Variants in EGLN3 observed in about 807,000 individuals in gnomAD.
EGLN3 encodes prolyl hydroxylase EGLN3.
A neutral mutation model predicts 26.0 loss-of-function variants in EGLN3; 15 were observed. The ratio of observed to expected loss-of-function variants is 0.58; its 90% CI spans 0.39 to 0.89. The LOEUF (loss-of-function observed/expected upper bound fraction) is 0.89. EGLN3 is among the 40% of genes least tolerant of loss of function. EGLN3 has a pLI of 0.00. For missense variants in EGLN3, 238 were observed against 311.6 expected (o/e 0.76, Z 1.78); for synonymous variants, 147 against 127.2 (o/e 1.16, Z -1.05).
chr14:33,946,756 T>G (rs1468372800), intron 1 of EGLN3, among the ~76,000 whole-genome samples: 3 of 152,202 alleles, frequency 2.0e-5, no homozygotes, highest in African/African-American at 7.2e-5. Flanking sequence ...CTGCTAAACA[T>G]TTCATAAACA....
At chr14:33,948,149 G>A (rs1458337429) in intron 1 of EGLN3, 5 of 152,264 alleles carry the variant, frequency 3.3e-5, no homozygotes, top group Middle Eastern at 3.4e-3. Flanking sequence ...AAAATGAGGA[G>A]CTCAGCTGAG....
intron 1 of EGLN3, among the ~76,000 whole-genome samples, chr14:33,934,712 G>A (rs1380747571): frequency 1.3e-5 from 2 of 152,182 alleles, no homozygotes; most frequent in African/African-American, 4.8e-5. Context: ...CCACTTCTCT[G>A]CTAACAGTTG....
chr14:33,949,713 G>A (rs2064543076), intron 1 of EGLN3: 1 of 152,996 alleles, frequency 6.5e-6, no homozygotes, highest in African/African-American at 2.4e-5. Context: ...TCTCTCGTGA[G>A]CACTTAACTG....
At chr14:33,947,669 G>A (rs1453649387) in intron 1 of EGLN3, among the ~76,000 whole-genome samples, 8 of 152,150 alleles carry the variant, frequency 5.3e-5, no homozygotes, top group Non-Finnish European at 1.5e-5. Flanking sequence ...TGTACATATT[G>A]GCAATTGTTG....
chr14:33,927,870 C>G (rs1379477207), intron 3 of EGLN3, among the ~76,000 whole-genome samples: 1 of 152,066 alleles, frequency 6.6e-6, no homozygotes, highest in Non-Finnish European at 1.5e-5. Context: ...TAATAATGCC[C>G]CAGAGCTTTC....
intron 3 of EGLN3, 119 bp from the exon 4 acceptor site, chr14:33,927,152 G>GATTTATTTATTTATTTATTTATTT (rs59342816): frequency 2.2e-5 from 4 of 182,158 alleles, no homozygotes; most frequent in African/African-American, 7.4e-5. Flanking sequence ...AGTCTACCCT[G>GATTTATTTATTTATTTATTTATTT]ATTTATTTAT....
intron 1 of EGLN3, chr14:33,949,546 C>T (rs2064541924): frequency 6.6e-6 from 1 of 152,180 alleles, no homozygotes; most frequent in Non-Finnish European, 1.5e-5. Flanking sequence ...CTGAGAAAGC[C>T]TATCCCAAAG....
chr14:33,950,646 C>A lies in EGLN3; in HGVS notation c.107G>T (p.Gly36Val). Reference sequence around the variant, plus strand: ...CAGGACGCAGTCGCCCACCACCTCGCCCAGGAAGTTGTCCAGGTAGCAGAA... The same window carrying A: ...CAGGACGCAGTCGCCCACCACCTCGACCAGGAAGTTGTCCAGGTAGCAGAA... ...VGFCYLDNFL[G>V]EVVGDCVLER... Residue 36 changes from glycine to valine, a missense_variant, in exon 1 of 5, where the codon GGC becomes GTC. Transcript: ENST00000250457. 6.2e-7 allele frequency: 1 copy of A among 1,614,034 alleles called. No individual in the cohort carries two copies. Among genetic ancestry groups the A allele is most frequent in the Non-Finnish European group, 8.5e-7 (1 of 1,179,966 alleles).
rs77528058 is a variant in EGLN3 at position 33,938,845 on chromosome 14, A to G, written c.358-7630T>C. Among the ~76,000 whole-genome samples, 11 of 152,350 alleles carry G rather than the reference A, an allele frequency of 7.2e-5. No individual in the cohort carries two copies. In the East Asian group the frequency reaches 1.7e-3, roughly 24 times the overall value. ...GTGTGCCCTGAGTCACACCGCTCCA[A>G]GTCCTTGGTAGAAGTCATTAACCCT... On this transcript the variant is annotated intron_variant, in intron 1 of 4. Transcript: ENST00000250457.
rs1184826219 is a variant in EGLN3 at position 33,925,781 on chromosome 14, T to C, written c.*110A>G. ...ACAGGGATGTGAAGGATGCAAGAAG[T>C]AGCAGGGAGATTGTTGTCACTGAAG... On this transcript the variant is annotated 3_prime_UTR_variant, in exon 5 of 5. Transcript: ENST00000250457. 17 of 1,250,840 alleles carry C rather than the reference T, an allele frequency of 1.4e-5. No homozygotes were observed. The highest frequency in any genetic ancestry group is 1.3e-5 in the South Asian group (1 of 79,640). The allele number at this position is 1,250,840 out of a possible 1,614,324, so 77.5% of individuals were successfully genotyped here. A position where few individuals can be genotyped will look rare whatever the true frequency, so the allele number is the denominator to read the frequency against.
chr14:33,925,044 C>T lies in EGLN3; in HGVS notation c.*847G>A, dbSNP rs1230683936. 1 of 151,138 alleles carries T rather than the reference C, an allele frequency of 6.6e-6. No individual in the cohort carries two copies. Among genetic ancestry groups the T allele is most frequent in the Non-Finnish European group, 1.5e-5 (1 of 67,874 alleles). 9.4% of individuals were successfully genotyped at this position (151,138 alleles called of 1,614,324 possible). The stretch of plus-strand genomic sequence containing the variant: ...ACATGTTTATTGTATATCAGTAGAC[C>T]TAGCTCTTTCCACAGTTATCAGTGG... On this transcript the variant is annotated 3_prime_UTR_variant, in exon 5 of 5. Transcript: ENST00000250457.
chr14:33,927,095 C>T, intron 3 of EGLN3, 62 bp from the exon 4 acceptor site: 1 of 1,175,964 alleles, frequency 8.5e-7, no homozygotes. Flanking sequence ...ACACAAATGT[C>T]CTATAAATCT....
intron 1 of EGLN3, among the ~76,000 whole-genome samples, chr14:33,935,896 A>G (rs1009029382): frequency 6.6e-6 from 1 of 152,020 alleles, no homozygotes; most frequent in Non-Finnish European, 1.5e-5. Context: ...CTCCACCATA[A>G]GGCACAACGA....
chr14:33,946,657 A>AT, intron 1 of EGLN3, among the ~76,000 whole-genome samples: 1 of 152,354 alleles, frequency 6.6e-6, no homozygotes, highest in South Asian at 2.1e-4. Context: ...ATAAAAGGAA[A>AT]TAACACAGTC....
intron 2 of EGLN3, among the ~76,000 whole-genome samples, chr14:33,930,241 C>T (rs957467959): frequency 6.6e-6 from 1 of 152,160 alleles, no homozygotes; most frequent in African/African-American, 2.4e-5. Context: ...ATCAGCACCT[C>T]TCAAGATTTT....
At chr14:33,950,004 TTAAAG>T in intron 1 of EGLN3, 1 of 469,780 alleles carries the variant, frequency 2.1e-6, no homozygotes, top group Non-Finnish European at 3.8e-6. Context: ...TTAGGTGGCT[TTAAAG>T]TAGGCATTTA....
At chr14:33,940,855 C>T (rs2064477589) in intron 1 of EGLN3, among the ~76,000 whole-genome samples, 2 of 152,194 alleles carry the variant, frequency 1.3e-5, no homozygotes, top group African/African-American at 4.8e-5. Flanking sequence ...CCGAAGCTGG[C>T]AGGAAACTTT....
At chr14:33,926,432 T>G (rs927332287) in intron 4 of EGLN3, among the ~76,000 whole-genome samples, 1 of 152,212 alleles carries the variant, frequency 6.6e-6, no homozygotes, top group African/African-American at 2.4e-5. Flanking sequence ...CCCACATTTT[T>G]GGGACCAGGA....
chr14:33,938,101 A>G (rs1315367496), intron 1 of EGLN3, among the ~76,000 whole-genome samples: 1 of 152,166 alleles, frequency 6.6e-6, no homozygotes, highest in Non-Finnish European at 1.5e-5. Flanking sequence ...TCTTACATTA[A>G]AAGGATGTAA....
Sources: allele counts gnomAD v4.1 joint callset (sites outside exome capture counted in the v4.1 genomes callset), GRCh38; gene constraint gnomAD v4.1.1; transcripts MANE v1.5; gene names NCBI Gene and HGNC (gene_info 2026-07-23, HGNC 2026-07-21).